The following USH2A variants were observed in gnomAD, a reference collection of about 807,000 sequenced individuals.
The protein encoded by USH2A is Usher syndrome 2A (autosomal recessive, mild).
USH2A carries 443 observed loss-of-function variants against 538.9 expected under a neutral mutation model. That is an observed-to-expected ratio of 0.82 (90% CI 0.76 to 0.89). The LOEUF (loss-of-function observed/expected upper bound fraction) is 0.89, where lower values mean the gene tolerates loss of function less well. USH2A is among the 40% of genes least tolerant of loss of function. The pLI is 0.00. For synonymous variants in USH2A, 2,413 were observed against 2,273.5 expected (o/e 1.06, Z -1.75); for missense variants, 6,633 against 6,324.8 (o/e 1.05, Z -1.65).
At chr1:216,106,012 A>G (rs953370627) in intron 21 of USH2A, among the ~76,000 whole-genome samples, 2 of 151,506 alleles carry the variant, frequency 1.3e-5, no homozygotes, top group African/African-American at 2.4e-5. Flanking sequence ...ATACAAAATT[A>G]TGTCGATGAC....
Position 216,396,857 on chromosome 1 carries a change from TA to T in USH2A, c.651+21656del, listed in dbSNP as rs58890774. On this transcript the variant is annotated intron_variant, in intron 3 of 71. Transcript: ENST00000307340. The stretch of plus-strand genomic sequence containing the variant: ...TCTGCCAAAATTCGTTGAAACTATG[TA>T]AAAAAAGTACAAATTGTATTATCTC... 4.6e-3 allele frequency among the ~76,000 whole-genome samples: 706 copies of T among 152,258 alleles called. 6 individuals carry two copies. The highest frequency in any genetic ancestry group is 0.016 in the African/African-American group (678 of 41,540).
chr1:216,196,571 A>G lies in USH2A; in HGVS notation c.4233T>C (p.Ile1411=), dbSNP rs140199346. 2 of 1,613,530 alleles carry G rather than the reference A, an allele frequency of 1.2e-6. No homozygotes were observed. The highest frequency in any genetic ancestry group is 1.7e-6 in the Non-Finnish European group (2 of 1,179,614). The change falls in exon 19 of 72, where the codon ATT becomes ATC. Residue 1411 remains isoleucine, a synonymous_variant. Transcript: ENST00000307340. ...ACAATACCTGTGAAAACGCCATGGGAATAGACTGTTGAGGTGATTGTTCAG... is the reference window on the plus strand; with the variant it reads ...ACAATACCTGTGAAAACGCCATGGGGATAGACTGTTGAGGTGATTGTTCAG... ...MLSEQSPQQS[I]PMAFSQLLHT... is the part of the protein sequence containing the mutation.
intron 21 of USH2A, among the ~76,000 whole-genome samples, chr1:216,113,341 C>T (rs757069706): frequency 1.3e-5 from 2 of 151,920 alleles, no homozygotes; most frequent in Non-Finnish European, 2.9e-5. Flanking sequence ...GTCATCTAAC[C>T]GCCTTTTCAT....
intron 56 of USH2A, among the ~76,000 whole-genome samples, chr1:215,764,841 T>C (rs1488288294): frequency 2.6e-5 from 4 of 152,132 alleles, no homozygotes; most frequent in African/African-American, 7.2e-5. Flanking sequence ...ATTTATTTCA[T>C]ATATGGGTTA....
At chr1:216,218,704 G>A (rs1043519610) in intron 14 of USH2A, among the ~76,000 whole-genome samples, 2 of 151,946 alleles carry the variant, frequency 1.3e-5, no homozygotes, top group Admixed American at 6.6e-5. Flanking sequence ...GTAGTTTGCC[G>A]TTTTTATGGT....
chr1:215,814,968 G>T (rs12137796), intron 48 of USH2A, among the ~76,000 whole-genome samples: 4,519 of 152,138 alleles, frequency 0.03, 78 homozygotes, highest in African/African-American at 0.04. Flanking sequence ...TTATGGTAAA[G>T]CTTGTTTAAG....
chr1:215,795,592 C>A (rs1367757268), intron 50 of USH2A, among the ~76,000 whole-genome samples: 1 of 152,118 alleles, frequency 6.6e-6, no homozygotes, highest in East Asian at 1.9e-4. Context: ...ACACTAAAAT[C>A]AAATATTTTG....
At chr1:215,856,466 A>G (rs1296580714) in intron 44 of USH2A, among the ~76,000 whole-genome samples, 1 of 152,212 alleles carries the variant, frequency 6.6e-6, no homozygotes, top group Non-Finnish European at 1.5e-5. Flanking sequence ...ATCACTAATG[A>G]TCAGGGAAAT....
At chr1:216,272,627 CT>C (rs2036594240) in intron 11 of USH2A, among the ~76,000 whole-genome samples, 1 of 152,060 alleles carries the variant, frequency 6.6e-6, no homozygotes, top group Admixed American at 6.6e-5. Context: ...CTATTCATCC[CT>C]GCTCATTTTT....
rs756886339 is a variant in USH2A, at chr1:216,190,811, G to A, written c.4252-444C>T. Among the ~76,000 whole-genome samples the A allele has an allele frequency of 4.6e-5, 7 of 151,890 alleles. No homozygotes were observed. The East Asian group carries it at 1.2e-3, about 25-fold the overall frequency. Reference sequence around the variant, plus strand: ...AGAAATGCCGTTGCTATGTTAAATCGATACTATCATTTTCTTTATGAAAAA... The same window carrying A: ...AGAAATGCCGTTGCTATGTTAAATCAATACTATCATTTTCTTTATGAAAAA... On this transcript the variant is annotated intron_variant, in intron 19 of 71. Transcript: ENST00000307340.
intron 58 of USH2A, among the ~76,000 whole-genome samples, chr1:215,747,870 T>G (rs917111404): frequency 2.2e-4 from 30 of 139,402 alleles, no homozygotes; most frequent in Non-Finnish European, 3.3e-4. Flanking sequence ...TTTTGTTTTT[T>G]TTTGTTTGTT....
rs536270621 is a variant in USH2A at position 216,032,695 on chromosome 1, G to A, written c.6325+13736C>T. Among the ~76,000 whole-genome samples, 7 of 152,250 alleles carry A rather than the reference G, an allele frequency of 4.6e-5. 1 individual carries two copies. The highest frequency in any genetic ancestry group is 4.6e-4 in the Admixed American group (7 of 15,294). On this transcript the variant is annotated intron_variant, in intron 32 of 71. Transcript: ENST00000307340. ...GAGGCAAAAGTCAGAGAGATTTGAAGCATGAGGGGGACTGGATATCCTCCA... is the reference window on the plus strand; with the variant it reads ...GAGGCAAAAGTCAGAGAGATTTGAAACATGAGGGGGACTGGATATCCTCCA...
intron 61 of USH2A, among the ~76,000 whole-genome samples, chr1:215,726,690 T>C (rs952304763): frequency 4.5e-4 from 68 of 152,206 alleles, no homozygotes; most frequent in Non-Finnish European, 4.4e-5. Flanking sequence ...TTTTCCATAT[T>C]TAATAAGGTC....
At chr1:216,210,140 C>T (rs1018522252) in intron 15 of USH2A, among the ~76,000 whole-genome samples, 1 of 151,756 alleles carries the variant, frequency 6.6e-6, no homozygotes, top group Non-Finnish European at 1.5e-5. Context: ...CCCACTCAGT[C>T]GATTAGTATG....
intron 40 of USH2A, among the ~76,000 whole-genome samples, chr1:215,893,488 A>T (rs558539969): frequency 3.3e-5 from 5 of 152,330 alleles, no homozygotes; most frequent in East Asian, 3.9e-4. Flanking sequence ...AATAGTTTTT[A>T]AAAATAGTGG....
At chr1:216,243,690 T>C (rs1476146730) in intron 13 of USH2A, among the ~76,000 whole-genome samples, 2 of 152,206 alleles carry the variant, frequency 1.3e-5, no homozygotes, top group African/African-American at 4.8e-5. Flanking sequence ...GACAGGGGAA[T>C]GCCTTTAGAG....
chr1:215,850,501 C>G (rs185387243), intron 44 of USH2A, among the ~76,000 whole-genome samples: 17 of 151,976 alleles, frequency 1.1e-4, no homozygotes, highest in African/African-American at 4.1e-4. Flanking sequence ...TAAGGTAGGA[C>G]TCTAAGGCCC....
chr1:215,690,179 C>A (rs1372981805), intron 61 of USH2A, among the ~76,000 whole-genome samples: 1 of 152,144 alleles, frequency 6.6e-6, no homozygotes, highest in Non-Finnish European at 1.5e-5. Context: ...GACTCTTTAA[C>A]CAATAGTGGC....
At chr1:216,408,372 A>G (rs2039430677) in intron 3 of USH2A, among the ~76,000 whole-genome samples, 1 of 152,126 alleles carries the variant, frequency 6.6e-6, no homozygotes, top group Non-Finnish European at 1.5e-5. Flanking sequence ...CCCTTTATCC[A>G]TTGAGGATAT....
Sources: allele counts gnomAD v4.1 joint callset (sites outside exome capture counted in the v4.1 genomes callset), GRCh38; gene constraint gnomAD v4.1.1; transcripts MANE v1.5; gene names NCBI Gene and HGNC (gene_info 2026-07-23, HGNC 2026-07-21).